ST3GAL3: variants seen among roughly 807,000 people sequenced by gnomAD.
ST3GAL3 encodes CMP-N-acetylneuraminate-beta-1,4-galactoside alpha-2,3-sialyltransferase.
Under a neutral mutation model 50.1 loss-of-function variants are expected in ST3GAL3, and 21 were observed. The ratio of observed to expected loss-of-function variants is 0.42; its 90% CI spans 0.30 to 0.60. The LOEUF is 0.60. ST3GAL3 is among the 20% of genes least tolerant of loss of function. The pLI is 0.19. For synonymous variants in ST3GAL3, 183 were observed against 190.0 expected, an observed-to-expected ratio of 0.96 and a Z score of 0.30; for missense variants, 353 against 489.4, an observed-to-expected ratio of 0.72 and a Z score of 2.63.
intron 5 of ST3GAL3, among the ~76,000 whole-genome samples, chr1:43,891,955 T>G (rs1164659842): frequency 7.2e-5 from 11 of 152,228 alleles, no homozygotes; most frequent in African/African-American, 2.7e-4. Context: ...AGTCTTTTTT[T>G]AAATTTGAGA....
chr1:43,855,905 GA>G (rs2068269831), intron 5 of ST3GAL3, among the ~76,000 whole-genome samples: 2 of 152,308 alleles, frequency 1.3e-5, no homozygotes, highest in South Asian at 4.1e-4. Context: ...CGACAGGCAT[GA>G]ACAGGTTACT....
intron 1 of ST3GAL3, among the ~76,000 whole-genome samples, chr1:43,734,297 C>CTTTTTTTTTTTTTTTTTT (rs751937263): frequency 7.0e-5 from 8 of 114,418 alleles, no homozygotes; most frequent in Non-Finnish European, 1.1e-4. Flanking sequence ...TCTTCTTCTT[C>CTTTTTTTTTTTTTTTTTT]TTTTTTTTTT....
At chr1:43,906,465 A>G (rs1157273745) in intron 9 of ST3GAL3, among the ~76,000 whole-genome samples, 1 of 18,914 alleles carries the variant, frequency 5.3e-5, no homozygotes, top group Non-Finnish European at 1.1e-4. Flanking sequence ...CTCTCCCACC[A>G]CTCTCCCCTC....
chr1:43,803,434 TGTTA>T (rs2059538296), intron 3 of ST3GAL3, among the ~76,000 whole-genome samples: 1 of 152,122 alleles, frequency 6.6e-6, no homozygotes, highest in Admixed American at 6.5e-5. Flanking sequence ...TCTGTATGTC[TGTTA>T]GTTTAAATTT....
intron 7 of ST3GAL3, 130 bp downstream of exon 7, chr1:43,898,428 A>C: frequency 1.1e-6 from 1 of 937,242 alleles, no homozygotes. Flanking sequence ...TACAGTACAC[A>C]CACAGGGTGG....
At chr1:43,759,714 C>T (rs1689583456) in intron 2 of ST3GAL3, among the ~76,000 whole-genome samples, 2 of 152,202 alleles carry the variant, frequency 1.3e-5, no homozygotes, top group Non-Finnish European at 2.9e-5. Context: ...TAGCACAAGT[C>T]AAATCAGTAG....
rs753076061 is a variant in ST3GAL3, at chr1:43,920,491, C to T, written c.832C>T (p.Gln278Ter). ...EIRILNPYFI[Q>*]EAAFTLIGLP... is the part of the protein sequence containing the mutation. ...TCGAATCCTCAACCCATATTTCATCCAGGAGGCCGCCTTCACCCTCATTGG... is the reference window on the plus strand; with the variant it reads ...TCGAATCCTCAACCCATATTTCATCTAGGAGGCCGCCTTCACCCTCATTGG... Residue 278 changes from glutamine (Q) to a stop codon, truncating the protein, a stop_gained, in exon 10 of 12, where the codon CAG (glutamine) becomes TAG (stop). Coordinates refer to ENST00000347631, the MANE Select transcript of ST3GAL3 (RefSeq NM_006279.5). LOFTEE classifies it high-confidence loss of function. The T allele has an allele frequency of 6.2e-7, 1 of 1,614,202 alleles. No homozygotes were observed. The highest frequency in any genetic ancestry group is 8.5e-7 in the Non-Finnish European group (1 of 1,180,036).
At chr1:43,798,504 G>T (rs2154158978) in intron 3 of ST3GAL3, among the ~76,000 whole-genome samples, 1 of 152,260 alleles carries the variant, frequency 6.6e-6, no homozygotes, top group Admixed American at 6.5e-5. Flanking sequence ...CCTTGAGGAT[G>T]TCAGGTCCTT....
At chr1:43,873,896 A>T (rs1570388713) in intron 5 of ST3GAL3, among the ~76,000 whole-genome samples, 1 of 152,170 alleles carries the variant, frequency 6.6e-6, no homozygotes, top group Non-Finnish European at 1.5e-5. Flanking sequence ...AATGGATGAG[A>T]TCACCAAATA....
chr1:43,790,523 T>G (rs2057922789), intron 2 of ST3GAL3, among the ~76,000 whole-genome samples: 1 of 152,202 alleles, frequency 6.6e-6, no homozygotes, highest in Admixed American at 6.5e-5. Flanking sequence ...ATGTTTAATT[T>G]ATGCCATCAT....
intron 1 of ST3GAL3, among the ~76,000 whole-genome samples, chr1:43,733,765 T>C (rs570702970): frequency 1.3e-5 from 2 of 152,354 alleles, no homozygotes; most frequent in South Asian, 4.1e-4. Flanking sequence ...AAACTGAATT[T>C]ATAGAAAACT....
intron 1 of ST3GAL3, among the ~76,000 whole-genome samples, chr1:43,716,900 A>G (rs865869338): frequency 2.6e-5 from 4 of 152,234 alleles, no homozygotes; most frequent in South Asian, 4.1e-4. Flanking sequence ...CTGGGCTGTT[A>G]TAATGGCTTC....
intron 1 of ST3GAL3, among the ~76,000 whole-genome samples, chr1:43,722,159 C>T (rs760556175): frequency 1.8e-4 from 28 of 152,134 alleles, no homozygotes; most frequent in Non-Finnish European, 3.8e-4. Flanking sequence ...ACAGGTAATG[C>T]TTCCCTACAG....
intron 5 of ST3GAL3, among the ~76,000 whole-genome samples, chr1:43,875,935 CTTCTTCTTCTTCTTCTTA>C (rs1366747554): frequency 0.031 from 1,757 of 56,902 alleles, 22 homozygotes; most frequent in African/African-American, 0.093. Context: ...TCTTCTTCTT[CTTCTTCTTCTTCTTCTTA>C]TTATTATTAT....
At chr1:43,756,116 A>AAAAAG (rs763780680) in intron 2 of ST3GAL3, among the ~76,000 whole-genome samples, 22,445 of 133,676 alleles carry the variant, frequency 0.17, 2,659 homozygotes, top group Non-Finnish European at 0.25. Flanking sequence ...AAAAAAAAAA[A>AAAAAG]AAGAAGAAGA....
chr1:43,862,771 A>G (rs1040737181), intron 5 of ST3GAL3, among the ~76,000 whole-genome samples: 1 of 150,692 alleles, frequency 6.6e-6, no homozygotes, highest in East Asian at 1.9e-4. Flanking sequence ...AAAAAATTTA[A>G]TTAGCATAAT....
chr1:43,721,626 CAG>C (rs1670523481), intron 1 of ST3GAL3, among the ~76,000 whole-genome samples: 1 of 149,948 alleles, frequency 6.7e-6, no homozygotes. Context: ...TGTTTTGAGA[CAG>C]AGTTTCGCTC....
intron 2 of ST3GAL3, among the ~76,000 whole-genome samples, chr1:43,778,497 T>G (rs978080298): frequency 3.3e-5 from 5 of 152,032 alleles, no homozygotes; most frequent in Admixed American, 1.3e-4. Flanking sequence ...ACATTTGGGG[T>G]TTTTTTAAAC....
Position 43,793,373 on chromosome 1 carries a change from A to G in ST3GAL3, c.166+1224A>G, listed in dbSNP as rs1230096372. On this transcript the variant is annotated intron_variant, in intron 3 of 11. Transcript: ENST00000347631. ...GAAGCATTTACGGTTTATTTGTGTT[A>G]CAGACATTTCAATTACACTCTTTTA... Among the ~76,000 whole-genome samples, 6 of 152,208 alleles carry G rather than the reference A, an allele frequency of 3.9e-5. No homozygotes were observed. The East Asian group carries it at 1.2e-3, about 29-fold the overall frequency.
Sources: gnomAD v4.1 joint callset for allele counts (sites outside exome capture counted in the v4.1 genomes callset) on GRCh38, gnomAD v4.1.1 for gene constraint, MANE v1.5 for transcripts, NCBI Gene and HGNC (gene_info 2026-07-23, HGNC 2026-07-21) for gene names.